The following PSMD1 variants were observed in gnomAD, a reference collection of about 807,000 sequenced individuals.
The protein encoded by PSMD1 is 26S proteasome non-ATPase regulatory subunit 1.
A neutral mutation model predicts 119.0 loss-of-function variants in PSMD1; 18 were observed. The observed-to-expected ratio is 0.15, with a 90% CI of 0.10 to 0.22. The LOEUF (loss-of-function observed/expected upper bound fraction) is 0.22. PSMD1 is among the 10% of genes least tolerant of loss of function. The pLI is 1.00. For missense variants in PSMD1, 702 were observed against 1,158.5 expected (o/e 0.61, Z 5.72); for synonymous variants, 374 against 396.6 (o/e 0.94, Z 0.68).
chr2:231,113,590 A>G (rs1463560143), intron 16 of PSMD1: 1 of 791,716 alleles, frequency 1.3e-6, no homozygotes, highest in East Asian at 2.4e-5. Context: ...GCAGTGACAT[A>G]AGGAGCTTAT....
At chr2:231,097,123 T>G (rs1471190411) in intron 16 of PSMD1, among the ~76,000 whole-genome samples, 1 of 152,226 alleles carries the variant, frequency 6.6e-6, no homozygotes, top group Non-Finnish European at 1.5e-5. Context: ...TTGCTTGATT[T>G]TCCAAAAGAA....
intron 16 of PSMD1, among the ~76,000 whole-genome samples, chr2:231,109,599 T>C (rs1695086599): frequency 6.6e-6 from 1 of 152,244 alleles, no homozygotes; most frequent in Non-Finnish European, 1.5e-5. Context: ...TGAGCAAATC[T>C]GTTTTTAAAC....
chr2:231,108,800 C>T (rs1462073032), intron 16 of PSMD1: 8 of 1,614,042 alleles, frequency 5.0e-6, no homozygotes, highest in South Asian at 1.1e-5. Flanking sequence ...AAATGCATCC[C>T]GAAATGTCTT....
intron 24 of PSMD1, among the ~76,000 whole-genome samples, chr2:231,171,609 T>C (rs1159464923): frequency 1.4e-5 from 2 of 145,400 alleles, no homozygotes; most frequent in Non-Finnish European, 3.0e-5. Flanking sequence ...TTGGCTGGAG[T>C]GCAATGGCGC....
intron 16 of PSMD1, among the ~76,000 whole-genome samples, chr2:231,103,837 A>G (rs750188327): frequency 4.1e-4 from 62 of 152,222 alleles, no homozygotes; most frequent in Admixed American, 1.0e-3. Context: ...AATTACTTCT[A>G]TTTCCTTCCT....
intron 6 of PSMD1, among the ~76,000 whole-genome samples, chr2:231,071,972 T>C (rs1245097160): frequency 6.6e-6 from 1 of 152,202 alleles, no homozygotes; most frequent in Admixed American, 6.5e-5. Flanking sequence ...GAGTTATAAA[T>C]ATAATTTGTA....
intron 1 of PSMD1, among the ~76,000 whole-genome samples, chr2:231,057,787 G>C (rs975634681): frequency 6.6e-6 from 1 of 152,238 alleles, no homozygotes; most frequent in Non-Finnish European, 1.5e-5. Flanking sequence ...TTGCAATGGA[G>C]TAAGTTACAG....
chr2:231,093,677 A>G (rs893008245), intron 16 of PSMD1, among the ~76,000 whole-genome samples: 2 of 152,200 alleles, frequency 1.3e-5, no homozygotes, highest in Non-Finnish European at 2.9e-5. Context: ...GTGCTTTTCT[A>G]TGGCTGAAAT....
In PSMD1 at chr2:231,087,883, A is replaced by G. The variant is rs889935567; in HGVS notation, c.1883+702A>G. Among the ~76,000 whole-genome samples the G allele has an allele frequency of 5.4e-4, 82 of 151,940 alleles. 1 individual carries two copies. Among genetic ancestry groups the G allele is most frequent in the Non-Finnish European group, 1.1e-3 (76 of 67,968 alleles). On this transcript the variant is annotated intron_variant, in intron 16 of 24. Coordinates refer to ENST00000308696, the MANE Select transcript of PSMD1 (RefSeq NM_002807.4). ...AGGCTGAGGCAGGAGAATCGCTTGA[A>G]TCTGGGAGGCAGAAGTTGCAGTGAG... is the stretch of plus-strand genomic sequence containing the variant.
rs374199171 is a variant in PSMD1, at chr2:231,163,739, G to A, written c.2481+12G>A. 1 of 1,568,832 alleles carries A rather than the reference G, an allele frequency of 6.4e-7. No individual in the cohort carries two copies. Among genetic ancestry groups the A allele is most frequent in the African/African-American group, 1.4e-5 (1 of 73,562 alleles). On this transcript the variant is annotated intron_variant, in intron 21 of 24. Coordinates refer to ENST00000308696, the MANE Select transcript of PSMD1 (RefSeq NM_002807.4). ...AAGAAAAGGAAAAGGTAGGTTCTTTGTTCCTTTTAGCAGCATTTGTACTTA... is the reference window on the plus strand; with the variant it reads ...AAGAAAAGGAAAAGGTAGGTTCTTTATTCCTTTTAGCAGCATTTGTACTTA...
intron 19 of PSMD1, among the ~76,000 whole-genome samples, chr2:231,160,005 G>A (rs1444354338): frequency 3.9e-5 from 6 of 152,158 alleles, no homozygotes; most frequent in Non-Finnish European, 1.5e-5. Context: ...CTTGCCCTCC[G>A]CTCACCTCCT....
At chr2:231,097,692 G>T (rs1401626724) in intron 16 of PSMD1, among the ~76,000 whole-genome samples, 1 of 151,908 alleles carries the variant, frequency 6.6e-6, no homozygotes, top group Admixed American at 6.6e-5. Context: ...TTTGATTTTG[G>T]GTTTTAAATT....
intron 16 of PSMD1, among the ~76,000 whole-genome samples, chr2:231,104,831 C>T (rs1694942583): frequency 6.6e-6 from 1 of 152,120 alleles, no homozygotes; most frequent in Non-Finnish European, 1.5e-5. Context: ...TGAGAAGTGT[C>T]TGTCCTATAT....
At chr2:231,164,146 T>A (rs1268230032) in intron 21 of PSMD1, among the ~76,000 whole-genome samples, 1 of 152,218 alleles carries the variant, frequency 6.6e-6, no homozygotes, top group East Asian at 1.9e-4. Flanking sequence ...TCTTTGATAT[T>A]CATTTAAGGT....
chr2:231,108,886 T>A, intron 16 of PSMD1: 1 of 1,614,008 alleles, frequency 6.2e-7, no homozygotes, highest in Non-Finnish European at 8.5e-7. Context: ...CCAGGAGCAT[T>A]TGGAGAGTAG....
intron 16 of PSMD1, among the ~76,000 whole-genome samples, chr2:231,095,132 C>T (rs753186736): frequency 6.6e-6 from 1 of 152,172 alleles, no homozygotes; most frequent in African/African-American, 2.4e-5. Context: ...TGAGAAATAG[C>T]TTGCTCTATT....
intron 16 of PSMD1, among the ~76,000 whole-genome samples, chr2:231,118,660 A>G (rs1383770747): frequency 6.6e-6 from 1 of 152,160 alleles, no homozygotes; most frequent in African/African-American, 2.4e-5. Context: ...TATCTTGATG[A>G]GGCAGACTTA....
In PSMD1 at chr2:231,072,376, C is replaced by A. The variant is rs1191679501; in HGVS notation, c.842C>A (p.Ser281Tyr). ...ACCCCTATTGCTTCTGTGCCTGGAT[C>A]CACTAATACGGGTACTGTTCCGGGA... ...VGTPIASVPG[S>Y]TNTGTVPGSE... The change falls in exon 7 of 25, where the codon TCC becomes TAC. Residue 281 changes from serine (S) to tyrosine (Y), a missense_variant. Ser to Tyr is a moderately radical substitution (Grantham distance 144, BLOSUM62 -2). Transcript: ENST00000308696. The A allele has an allele frequency of 6.2e-6, 10 of 1,613,660 alleles. No individual in the cohort carries two copies. The highest frequency in any genetic ancestry group is 1.3e-5 in the African/African-American group (1 of 74,900).
At chr2:231,134,696 C>T (rs1409316898) in intron 16 of PSMD1, among the ~76,000 whole-genome samples, 2 of 152,184 alleles carry the variant, frequency 1.3e-5, no homozygotes, top group East Asian at 3.8e-4. Context: ...AGTGTTCATT[C>T]CTTTCCAACA....
Sources: allele counts gnomAD v4.1 joint callset (sites outside exome capture counted in the v4.1 genomes callset), GRCh38; gene constraint gnomAD v4.1.1; transcripts MANE v1.5; gene names NCBI Gene and HGNC (gene_info 2026-07-23, HGNC 2026-07-21).